SPATA13: variants seen among roughly 807,000 people sequenced by gnomAD.
SPATA13 encodes the protein spermatogenesis-associated protein 13.
Under a neutral mutation model 104.0 loss-of-function variants are expected in SPATA13, and 50 were observed. The ratio of observed to expected loss-of-function variants is 0.48; its 90% CI spans 0.38 to 0.61. SPATA13 has a LOEUF of 0.61. SPATA13 is among the 20% of genes least tolerant of loss of function. The pLI is 0.00. For missense variants in SPATA13, 1,524 were observed against 1,690.6 expected, an observed-to-expected ratio of 0.90 and a Z score of 1.73; for synonymous variants, 606 against 667.5, an observed-to-expected ratio of 0.91 and a Z score of 1.42.
chr13:24,125,032 G>C (rs1041938222), intron 3 of SPATA13, among the ~76,000 whole-genome samples: 5 of 152,218 alleles, frequency 3.3e-5, no homozygotes, highest in Non-Finnish European at 7.3e-5. Context: ...TGTCAGGCAA[G>C]GCAGGGGCTC....
rs1032052090 is a variant in SPATA13 at position 24,281,634 on chromosome 13, C to T, written c.2165-2501C>T. 1.1e-4 allele frequency among the ~76,000 whole-genome samples: 17 copies of T among 150,740 alleles called. No homozygotes were observed. In the East Asian group the frequency reaches 1.5e-3, roughly 14 times the overall value. On this transcript the variant is annotated intron_variant, in intron 4 of 12. Coordinates refer to ENST00000382108, the MANE Select transcript of SPATA13 (RefSeq NM_001166271.3). ...AAGGAGGTGATGGTGGCTGGGATGTCGGGGTTTCTCTGAGAGGGGCACCCC... is the reference window on the plus strand; with the variant it reads ...AAGGAGGTGATGGTGGCTGGGATGTTGGGGTTTCTCTGAGAGGGGCACCCC...
chr13:24,193,026 G>T (rs1869858129), intron 1 of SPATA13, among the ~76,000 whole-genome samples: 1 of 152,184 alleles, frequency 6.6e-6, no homozygotes, highest in African/African-American at 2.4e-5. Flanking sequence ...GAAAGTCAAG[G>T]TGTGTGGGCT....
chr13:24,275,045 C>CT (rs891540496), intron 4 of SPATA13, among the ~76,000 whole-genome samples: 205 of 151,626 alleles, frequency 1.4e-3, no homozygotes, highest in African/African-American at 4.6e-3. Flanking sequence ...CAGTCAGGGG[C>CT]TTTTTTTTTC....
chr13:24,034,014 T>A (rs1877585143), intron 3 of SPATA13: 1 of 152,246 alleles, frequency 6.6e-6, no homozygotes, highest in Non-Finnish European at 1.5e-5. Context: ...GATTCCACTT[T>A]GTTCCAGTCA....
intron 4 of SPATA13, among the ~76,000 whole-genome samples, chr13:24,281,011 A>G (rs1316202054): frequency 1.3e-5 from 2 of 152,194 alleles, no homozygotes; most frequent in East Asian, 1.9e-4. Context: ...ACCCCCAGCC[A>G]GACAGACATG....
At chr13:24,238,957 C>T (rs929506145) in intron 2 of SPATA13, among the ~76,000 whole-genome samples, 4 of 152,108 alleles carry the variant, frequency 2.6e-5, no homozygotes, top group Non-Finnish European at 5.9e-5. Flanking sequence ...GGCTCCTGTG[C>T]GGGCAGTCCA....
chr13:24,244,103 C>G (rs1487600605), intron 2 of SPATA13, among the ~76,000 whole-genome samples: 1 of 152,196 alleles, frequency 6.6e-6, no homozygotes, highest in Non-Finnish European at 1.5e-5. Flanking sequence ...AACTGGCCTT[C>G]CTTGGTGCCC....
At chr13:24,024,609 G>A (rs907649092) in intron 3 of SPATA13, among the ~76,000 whole-genome samples, 8 of 151,160 alleles carry the variant, frequency 5.3e-5, no homozygotes, top group South Asian at 4.2e-4. Context: ...TGCTGATCCC[G>A]CTATGATGCA....
intron 1 of SPATA13, among the ~76,000 whole-genome samples, chr13:24,175,285 G>A (rs1883169642): frequency 6.6e-6 from 1 of 151,924 alleles, no homozygotes; most frequent in Admixed American, 6.6e-5. Flanking sequence ...TTCTTTGGCA[G>A]AAAAAAGGAA....
intron 2 of SPATA13, among the ~76,000 whole-genome samples, chr13:23,995,923 G>T (rs948360152): frequency 1.6e-4 from 25 of 152,198 alleles, no homozygotes; most frequent in Admixed American, 1.4e-3. Flanking sequence ...CATGTGTTTT[G>T]TCTCTGCCTG....
chr13:24,204,254 C>T (rs1485539631), intron 1 of SPATA13, among the ~76,000 whole-genome samples: 1 of 152,112 alleles, frequency 6.6e-6, no homozygotes, highest in African/African-American at 2.4e-5. Flanking sequence ...TTACTGTTAT[C>T]CACATTTTTC....
chr13:24,173,974 T>C (rs1228111657), intron 1 of SPATA13, among the ~76,000 whole-genome samples: 4 of 152,222 alleles, frequency 2.6e-5, no homozygotes, highest in Non-Finnish European at 5.9e-5. Flanking sequence ...AAATATCACC[T>C]TCATAAAATG....
At chr13:24,140,226 C>T (rs754413091) in intron 3 of SPATA13, among the ~76,000 whole-genome samples, 1 of 152,176 alleles carries the variant, frequency 6.6e-6, no homozygotes, top group African/African-American at 2.4e-5. Flanking sequence ...CAAGCCTAGT[C>T]GTTTAGGTTA....
chr13:24,167,574 T>A (rs1882794452), intron 1 of SPATA13, among the ~76,000 whole-genome samples: 1 of 152,210 alleles, frequency 6.6e-6, no homozygotes, highest in South Asian at 2.1e-4. Flanking sequence ...GTACCAATAC[T>A]TCTGTGTGAA....
At chr13:24,200,382 A>C (rs9553216) in intron 1 of SPATA13, among the ~76,000 whole-genome samples, 49,213 of 151,976 alleles carry the variant, frequency 0.32, 9,768 homozygotes, top group East Asian at 0.63. Flanking sequence ...CTGTTTTATT[A>C]AATACTTAAT....
intron 2 of SPATA13, among the ~76,000 whole-genome samples, chr13:24,002,741 T>C (rs2137675040): frequency 6.6e-6 from 1 of 152,168 alleles, no homozygotes; most frequent in East Asian, 1.9e-4. Context: ...AAGCACTGGC[T>C]GTACCCTCTG....
At chr13:24,023,086 C>T (rs1389900022) in intron 3 of SPATA13, among the ~76,000 whole-genome samples, 3 of 152,144 alleles carry the variant, frequency 2.0e-5, no homozygotes, top group Non-Finnish European at 4.4e-5. Context: ...CTATCCCTCC[C>T]CTCACCTCCC....
chr13:24,242,644 A>G (rs1049988497), intron 2 of SPATA13, among the ~76,000 whole-genome samples: 3 of 152,172 alleles, frequency 2.0e-5, no homozygotes, highest in Non-Finnish European at 4.4e-5. Flanking sequence ...GTTAGATGGG[A>G]AAGCAATTTG....
chr13:24,027,778 G>A (rs984179317), intron 3 of SPATA13, among the ~76,000 whole-genome samples: 4 of 152,108 alleles, frequency 2.6e-5, no homozygotes, highest in Non-Finnish European at 4.4e-5. Context: ...GCATAGTTGT[G>A]AAAACCGAGG....
Sources: gnomAD v4.1 joint callset for allele counts (sites outside exome capture counted in the v4.1 genomes callset) on GRCh38, gnomAD v4.1.1 for gene constraint, MANE v1.5 for transcripts, NCBI Gene and HGNC (gene_info 2026-07-23, HGNC 2026-07-21) for gene names.